Variants in ZBTB32 observed in about 807,000 individuals in gnomAD.
ZBTB32 encodes zinc finger and BTB domain containing 32.
In ZBTB32, 28 loss-of-function variants were observed where a neutral mutation model predicts 45.3. That is an observed-to-expected ratio of 0.62 (90% CI 0.46 to 0.85). The LOEUF is 0.85. ZBTB32 is among the 40% of genes least tolerant of loss of function. ZBTB32 has a pLI of 0.00. For missense variants in ZBTB32, 587 were observed against 624.4 expected (o/e 0.94, Z 0.64); for synonymous variants, 283 against 255.7 (o/e 1.11, Z -1.02).
chr19:35,716,459 C>T lies in ZBTB32; in HGVS notation c.1190-19C>T, dbSNP rs1968905030. The stretch of plus-strand genomic sequence containing the variant: ...GCCTTCTTCCTTCCTTCACCGGCCT[C>T]CCCTTCCGACCGCTCTAGGAGAGAA... On this transcript the variant is annotated intron_variant, in intron 6 of 6. Transcript: ENST00000392197. The T allele has an allele frequency of 6.3e-7, 1 of 1,594,238 alleles. No individual in the cohort carries two copies. The highest frequency in any genetic ancestry group is 8.6e-7 in the Non-Finnish European group (1 of 1,166,794).
At chr19:35,713,649 C>T (rs1968766196) in intron 2 of ZBTB32, 1 of 152,398 alleles carries the variant, frequency 6.6e-6, no homozygotes, top group South Asian at 2.1e-4. Context: ...TGGTTCTCTT[C>T]GTATCTGGGT....
At position 35,714,724 on chromosome 19, in the gene ZBTB32, T is replaced by A; in HGVS notation, c.98T>A (p.Ile33Asn). 2 of 1,614,022 alleles carry A rather than the reference T, an allele frequency of 1.2e-6. No individual in the cohort carries two copies. The highest frequency in any genetic ancestry group is 1.7e-6 in the Non-Finnish European group (2 of 1,180,008). Residue 33 changes from isoleucine to asparagine, a missense_variant, in exon 3 of 7, where the codon ATC (isoleucine) becomes AAC (asparagine). Transcript: ENST00000392197. The stretch of plus-strand genomic sequence containing the variant: ...CGGCCAGCACTCTGTGATACTCTGA[T>A]CACCGTAGGGAGCCAGGAGTTCCCC... ...RLRPALCDTL[I>N]TVGSQEFPAH...
At chr19:35,707,378 T>C (rs1968572324) in intron 1 of ZBTB32, among the ~76,000 whole-genome samples, 1 of 148,898 alleles carries the variant, frequency 6.7e-6, no homozygotes, top group Non-Finnish European at 1.5e-5. Flanking sequence ...TCTTTTTTTT[T>C]TTTTTTTTCG....
rs1053582999 is a variant in ZBTB32, at chr19:35,707,309, T to C, written c.-222+2686T>C. On this transcript the variant is annotated intron_variant, in intron 1 of 6. Coordinates refer to ENST00000392197, the MANE Select transcript of ZBTB32 (RefSeq NM_014383.3). ...ACCTCTCCAGCCATGAGGCTCAGAG[T>C]AATCTGTCAATCTCTTGTCATGCAT... Among the ~76,000 whole-genome samples, 10 of 149,614 alleles carry C rather than the reference T, an allele frequency of 6.7e-5. No individual in the cohort carries two copies. The Admixed American group carries it at 6.7e-4, about 10-fold the overall frequency.
chr19:35,706,790 C>T (rs983761981), intron 1 of ZBTB32, among the ~76,000 whole-genome samples: 2 of 152,144 alleles, frequency 1.3e-5, no homozygotes, highest in African/African-American at 4.8e-5. Flanking sequence ...TTTTTATACT[C>T]ATGGGGCAGG....
At chr19:35,708,688 G>A (rs540921472) in intron 1 of ZBTB32, among the ~76,000 whole-genome samples, 20 of 152,290 alleles carry the variant, frequency 1.3e-4, no homozygotes, top group African/African-American at 4.8e-4. Flanking sequence ...ACTATAGCTG[G>A]TTCTTGGATC....
chr19:35,716,345 C>G lies in ZBTB32; in HGVS notation c.1189+48C>G, dbSNP rs774879839. 6 of 1,608,314 alleles carry G rather than the reference C, an allele frequency of 3.7e-6. No homozygotes were observed. The African/African-American group carries it at 8.0e-5, about 21-fold the overall frequency. On this transcript the variant is annotated intron_variant, in intron 6 of 6. Coordinates refer to ENST00000392197, the MANE Select transcript of ZBTB32 (RefSeq NM_014383.3). ...GAACTGTCGGCTTTCTTCCCAACTC[C>G]GCTCCTGAGTCTCCACCTGTGTGCC...
At position 35,716,958 on chromosome 19, in the gene ZBTB32, G is replaced by T. The variant is rs1046998629; in HGVS notation, c.*206G>T. The T allele has an allele frequency of 1.3e-5, 8 of 604,900 alleles. No homozygotes were observed. In the Admixed American group the frequency reaches 2.4e-4, roughly 18 times the overall value. 37.5% of individuals were successfully genotyped at this position (604,900 alleles called of 1,614,324 possible). A position where few individuals can be genotyped will look rare whatever the true frequency, so the allele number is the denominator to read the frequency against. ...AGCCCTACAGAGTGAGGACACTGAA[G>T]TGTGCAGGAGCGAAGGTTAACAGTA... On this transcript the variant is annotated 3_prime_UTR_variant, in exon 7 of 7. Coordinates refer to ENST00000392197, the MANE Select transcript of ZBTB32 (RefSeq NM_014383.3).
Position 35,716,647 on chromosome 19 carries a change from C to G in ZBTB32, c.1359C>G (p.Ser453Arg). 1.2e-6 allele frequency: 2 copies of G among 1,613,868 alleles called. No homozygotes were observed. The highest frequency in any genetic ancestry group is 1.7e-6 in the Non-Finnish European group (2 of 1,179,964). Reference sequence around the variant, plus strand: ...CGCACATGCGCGGTCACTCGCCCAGCCAACTCCCGCCCGGATGGACCATCC... The same window carrying G: ...CGCACATGCGCGGTCACTCGCCCAGGCAACTCCCGCCCGGATGGACCATCC... ...MQAHMRGHSP[S>R]QLPPGWTIRS... Residue 453 changes from serine to arginine, a missense_variant, in exon 7 of 7, where the codon AGC (serine) becomes AGG (arginine). Coordinates refer to ENST00000392197, the MANE Select transcript of ZBTB32 (RefSeq NM_014383.3).
rs753004220 is a variant in ZBTB32 at position 35,715,469 on chromosome 19, C to T, written c.843C>T (p.Pro281=). ...GCATTCCCTTCTACCATAGCACCCCCACCACTGGAGCCTGGCAGGAGGTCT... is the reference window on the plus strand; with the variant it reads ...GCATTCCCTTCTACCATAGCACCCCTACCACTGGAGCCTGGCAGGAGGTCT... The part of the protein sequence containing the change: ...RYGIPFYHST[P]TTGAWQEVWR... Residue 281 remains proline (P), a synonymous_variant, in exon 3 of 7, where the codon CCC becomes CCT. Transcript: ENST00000392197. The T allele has an allele frequency of 1.3e-6, 2 of 1,564,952 alleles. No individual in the cohort carries two copies. The highest frequency in any genetic ancestry group is 1.9e-5 in the Admixed American group (1 of 51,994).
intron 2 of ZBTB32, among the ~76,000 whole-genome samples, chr19:35,713,915 C>T (rs1968775671): frequency 6.6e-6 from 1 of 152,268 alleles, no homozygotes; most frequent in African/African-American, 2.4e-5. Context: ...GTGGCTTCTG[C>T]ACCTGCTCTC....
chr19:35,716,661 G>A lies in ZBTB32; in HGVS notation c.1373G>A (p.Gly458Glu). The A allele has an allele frequency of 1.2e-6, 2 of 1,613,964 alleles. No homozygotes were observed. The highest frequency in any genetic ancestry group is 1.7e-6 in the Non-Finnish European group (2 of 1,179,988). Residue 458 changes from glycine to glutamate, a missense_variant, in exon 7 of 7, where the codon GGA becomes GAA. Transcript: ENST00000392197. ...RGHSPSQLPP[G>E]WTIRSTFLYS... is the part of the protein sequence containing the mutation. ...CACTCGCCCAGCCAACTCCCGCCCG[G>A]ATGGACCATCCGCTCCACCTTCCTC... is the stretch of plus-strand genomic sequence containing the variant.
At position 35,716,543 on chromosome 19, in the gene ZBTB32, C is replaced by A; in HGVS notation, c.1255C>A (p.His419Asn). The change falls in exon 7 of 7, where the codon CAC becomes AAC. Residue 419 changes from histidine (H) to asparagine (N), a missense_variant. Coordinates refer to ENST00000392197, the MANE Select transcript of ZBTB32 (RefSeq NM_014383.3). ...CCGGGACTTCTCGGCCATGACCAAG[C>A]ACCTGCGGACACACGGGGCCGCTCC... ...RSRDFSAMTK[H>N]LRTHGAAPYR... is the part of the protein sequence containing the mutation. The A allele has an allele frequency of 2.5e-6, 4 of 1,612,808 alleles. No individual in the cohort carries two copies. Among genetic ancestry groups the A allele is most frequent in the Non-Finnish European group, 3.4e-6 (4 of 1,179,510 alleles).
At chr19:35,714,217 T>C (rs117460134) in intron 2 of ZBTB32, 65 of 158,770 alleles carry the variant, frequency 4.1e-4, no homozygotes, top group Non-Finnish European at 6.5e-4. Flanking sequence ...GCAGAGGTGT[T>C]TCCCTGCAGA....
In ZBTB32 at chr19:35,716,532, C is replaced by T; in HGVS notation, c.1244C>T (p.Ala415Val). 1 of 1,612,504 alleles carries T rather than the reference C, an allele frequency of 6.2e-7. No homozygotes were observed. The highest frequency in any genetic ancestry group is 8.5e-7 in the Non-Finnish European group (1 of 1,179,218). ...LCPQRSRDFSAMTKHLRTHGA... is the reference protein window; with the variant it reads ...LCPQRSRDFSVMTKHLRTHGA... ...CCTCAGCGCTCCCGGGACTTCTCGG[C>T]CATGACCAAGCACCTGCGGACACAC... The change falls in exon 7 of 7, where the codon GCC (alanine) becomes GTC (valine). Residue 415 changes from alanine to valine, a missense_variant. Physicochemically the swap from Ala to Val is moderately conservative, Grantham distance 64. Coordinates refer to ENST00000392197, the MANE Select transcript of ZBTB32 (RefSeq NM_014383.3).
chr19:35,715,667 C>A, intron 3 of ZBTB32, 90 bp from the exon 4 acceptor site: 1 of 1,500,568 alleles, frequency 6.7e-7, no homozygotes, highest in Middle Eastern at 2.5e-4. Context: ...AGCCCAGCCC[C>A]CGGGGGAGGA....
At position 35,715,341 on chromosome 19, in the gene ZBTB32, C is replaced by G. The variant is rs1446448099; in HGVS notation, c.715C>G (p.Leu239Val). 6.2e-7 allele frequency: 1 copy of G among 1,607,884 alleles called. No homozygotes were observed. ...TGGCCCCCTTCCCCCAGCAGGCTCC[C>G]TGCAAACCAGCGTCACCCCTAGGCC... ...LPGPLPPAGS[L>V]QTSVTPRPSW... is the part of the protein sequence containing the mutation. The change falls in exon 3 of 7, where the codon CTG (leucine) becomes GTG (valine). Residue 239 changes from leucine (L) to valine (V), a missense_variant. Physicochemically the swap from Leu to Val is conservative, Grantham distance 32. Transcript: ENST00000392197.
chr19:35,705,736 C>A (rs996965304), intron 1 of ZBTB32, among the ~76,000 whole-genome samples: 4 of 151,262 alleles, frequency 2.6e-5, no homozygotes, highest in Admixed American at 2.0e-4. Context: ...CATGGTGAAA[C>A]CCTGTCTCTA....
chr19:35,711,988 G>GCA (rs1251431379), intron 1 of ZBTB32, among the ~76,000 whole-genome samples: 1 of 124,196 alleles, frequency 8.1e-6, no homozygotes, highest in Non-Finnish European at 1.6e-5. Flanking sequence ...TTGCGCCACT[G>GCA]CACTCCAGTC....
Sources: allele counts gnomAD v4.1 joint callset (sites outside exome capture counted in the v4.1 genomes callset), GRCh38; gene constraint gnomAD v4.1.1; transcripts MANE v1.5; gene names NCBI Gene and HGNC (gene_info 2026-07-23, HGNC 2026-07-21).